The following XKR6 variants were observed in gnomAD, a reference collection of about 807,000 sequenced individuals.
XKR6 encodes XK related 6.
A neutral mutation model predicts 56.7 loss-of-function variants in XKR6; 22 were observed. That is an observed-to-expected ratio of 0.39 (90% CI 0.28 to 0.55). The LOEUF is 0.55. Among genes scored for constraint, XKR6 ranks in the 20% least tolerant of loss-of-function variants. The pLI, the probability that XKR6 is intolerant of heterozygous loss-of-function variation, is 0.66. For synonymous variants in XKR6, 524 were observed against 387.8 expected (o/e 1.35, Z -4.13); for missense variants, 852 against 889.0 (o/e 0.96, Z 0.53).
intron 1 of XKR6, among the ~76,000 whole-genome samples, chr8:10,981,256 G>A (rs992459691): frequency 1.3e-5 from 2 of 152,182 alleles, no homozygotes; most frequent in Non-Finnish European, 2.9e-5. Context: ...GGGGTAAATA[G>A]ATTTTCGAGA....
chr8:11,089,846 A>C (rs1798007832), intron 1 of XKR6, among the ~76,000 whole-genome samples: 1 of 152,140 alleles, frequency 6.6e-6, no homozygotes, highest in Non-Finnish European at 1.5e-5. Context: ...TTTTTTGTTA[A>C]TCAATCCCAT....
At chr8:11,124,366 T>A in intron 1 of XKR6, 1 of 285,870 alleles carries the variant, frequency 3.5e-6, no homozygotes, top group Non-Finnish European at 6.8e-6. Context: ...CAACTCGATG[T>A]GAACACAGTA....
intron 1 of XKR6, among the ~76,000 whole-genome samples, chr8:10,938,834 A>G (rs577652225): frequency 3.3e-5 from 5 of 152,360 alleles, no homozygotes; most frequent in Admixed American, 6.5e-5. Flanking sequence ...ATACAAGTCA[A>G]TTTTACTCTA....
At chr8:10,991,244 AG>A (rs1432718588) in intron 1 of XKR6, among the ~76,000 whole-genome samples, 4 of 152,102 alleles carry the variant, frequency 2.6e-5, no homozygotes, top group Admixed American at 6.5e-5. Flanking sequence ...AGGTGAGAGT[AG>A]GGGGGAAATG....
rs145569437 is a variant in XKR6, at chr8:10,979,972, A to G, written c.765-55142T>C. Among the ~76,000 whole-genome samples, 732 of 152,358 alleles carry G rather than the reference A, an allele frequency of 4.8e-3. 6 individuals are homozygous for G. Among genetic ancestry groups the G allele is most frequent in the African/African-American group, 0.017 (703 of 41,584 alleles). The stretch of plus-strand genomic sequence containing the variant: ...GAAGGTTTCTTCGGGTTCACACACC[A>G]CAACCCAACCCTGCTGCTGCCCCGT... On this transcript the variant is annotated intron_variant, in intron 1 of 2. Transcript: ENST00000416569.
chr8:10,905,289 C>T (rs187103082), intron 2 of XKR6, among the ~76,000 whole-genome samples: 30 of 152,310 alleles, frequency 2.0e-4, no homozygotes, highest in African/African-American at 7.0e-4. Flanking sequence ...GTGCGGCATT[C>T]GGAGGACTGC....
At chr8:11,176,834 G>C (rs757257579) in intron 1 of XKR6, among the ~76,000 whole-genome samples, 2 of 152,166 alleles carry the variant, frequency 1.3e-5, no homozygotes, top group Non-Finnish European at 2.9e-5. Context: ...CTTTTAGGTA[G>C]CTGGACGCTG....
At chr8:11,108,553 G>A (rs777315565) in intron 1 of XKR6, 2 of 357,040 alleles carry the variant, frequency 5.6e-6, no homozygotes, top group Non-Finnish European at 1.1e-5. Context: ...GTGGCTCAGC[G>A]GCCTTAGTGC....
intron 1 of XKR6, among the ~76,000 whole-genome samples, chr8:11,096,650 C>T (rs918032933): frequency 3.3e-5 from 5 of 152,206 alleles, no homozygotes; most frequent in Non-Finnish European, 7.3e-5. Context: ...AAAAAGTAAC[C>T]ATGAGAGTCA....
chr8:11,012,520 C>T (rs1198996754), intron 1 of XKR6, among the ~76,000 whole-genome samples: 1 of 152,124 alleles, frequency 6.6e-6, no homozygotes, highest in African/African-American at 2.4e-5. Flanking sequence ...CCATCACCAT[C>T]GACAGCAGTC....
chr8:10,989,706 C>T (rs917134366), intron 1 of XKR6, among the ~76,000 whole-genome samples: 17 of 152,212 alleles, frequency 1.1e-4, no homozygotes, highest in African/African-American at 4.1e-4. Context: ...ACATGCAAAG[C>T]ATTTAGTATA....
intron 1 of XKR6, among the ~76,000 whole-genome samples, chr8:11,130,772 G>A (rs570924215): frequency 6.6e-6 from 1 of 151,954 alleles, no homozygotes; most frequent in Non-Finnish European, 1.5e-5. Context: ...GCCACACAGG[G>A]GGCCTTTGTA....
chr8:10,949,952 A>C (rs1586343995), intron 1 of XKR6, among the ~76,000 whole-genome samples: 2 of 152,120 alleles, frequency 1.3e-5, no homozygotes, highest in Admixed American at 1.3e-4. Context: ...AGCTCCTCCA[A>C]CATGGCCCTC....
chr8:11,002,493 A>C, intron 1 of XKR6: 1 of 385,842 alleles, frequency 2.6e-6, no homozygotes. Flanking sequence ...CAAGAATCAA[A>C]GCCAACCGAT....
At chr8:10,939,838 G>C (rs1426650378) in intron 1 of XKR6, among the ~76,000 whole-genome samples, 2 of 152,192 alleles carry the variant, frequency 1.3e-5, no homozygotes, top group African/African-American at 4.8e-5. Flanking sequence ...CTGCTGCCTA[G>C]GAGGTTGTCA....
At chr8:10,959,659 C>T (rs1287563735) in intron 1 of XKR6, among the ~76,000 whole-genome samples, 1 of 152,142 alleles carries the variant, frequency 6.6e-6, no homozygotes, top group Non-Finnish European at 1.5e-5. Context: ...CTCATGTAAA[C>T]CCTTGATTTC....
chr8:10,937,953 T>C (rs368390911), intron 1 of XKR6, among the ~76,000 whole-genome samples: 15 of 151,282 alleles, frequency 9.9e-5, no homozygotes, highest in African/African-American at 2.9e-4. Flanking sequence ...CCGGCTGCTT[T>C]GTTTACCTAA....
intron 1 of XKR6, among the ~76,000 whole-genome samples, chr8:11,069,490 C>T (rs1408110547): frequency 1.3e-5 from 2 of 152,140 alleles, no homozygotes; most frequent in Non-Finnish European, 2.9e-5. Flanking sequence ...ATGGCTGTGC[C>T]CCCTGTCTGC....
chr8:11,093,069 C>A (rs1441602294), intron 1 of XKR6, among the ~76,000 whole-genome samples: 2 of 151,582 alleles, frequency 1.3e-5, no homozygotes, highest in Non-Finnish European at 2.9e-5. Context: ...TTCTTTCTTT[C>A]TTTTAGACGG....
Sources: allele counts gnomAD v4.1 joint callset (sites outside exome capture counted in the v4.1 genomes callset), GRCh38; gene constraint gnomAD v4.1.1; transcripts MANE v1.5; gene names NCBI Gene and HGNC (gene_info 2026-07-23, HGNC 2026-07-21).